PHF20: variants seen among roughly 807,000 people sequenced by gnomAD.
The protein encoded by PHF20 is glioma-expressed antigen 2.
A neutral mutation model predicts 113.5 loss-of-function variants in PHF20; 23 were observed. The observed-to-expected ratio is 0.20, with a 90% CI of 0.15 to 0.29. The LOEUF (loss-of-function observed/expected upper bound fraction) is 0.29. PHF20 is among the 10% of genes least tolerant of loss of function. The probability of loss-of-function intolerance (pLI) is 1.00; values close to 1 mark genes in which losing one functional copy is unlikely to be tolerated. For missense variants in PHF20, 943 were observed against 1,219.6 expected, an observed-to-expected ratio of 0.77 and a Z score of 3.38; for synonymous variants, 434 against 457.3, an observed-to-expected ratio of 0.95 and a Z score of 0.65.
At chr20:35,893,307 C>T (rs1434417073) in intron 9 of PHF20, among the ~76,000 whole-genome samples, 1 of 151,964 alleles carries the variant, frequency 6.6e-6, no homozygotes, top group Non-Finnish European at 1.5e-5. Flanking sequence ...GATAGTTTGG[C>T]CATGACTTTT....
chr20:35,880,291 C>T (rs2054604473), intron 9 of PHF20, among the ~76,000 whole-genome samples: 1 of 152,132 alleles, frequency 6.6e-6, no homozygotes, highest in Admixed American at 6.6e-5. Context: ...GCAGCTAGCA[C>T]AGCATGACCA....
chr20:35,789,917 C>T (rs949988110), intron 1 of PHF20, among the ~76,000 whole-genome samples: 15 of 126,356 alleles, frequency 1.2e-4, no homozygotes, highest in African/African-American at 3.3e-4. Context: ...TGCAGTGGCT[C>T]GATCTCAGCT....
At chr20:35,831,196 A>G (rs948646458) in intron 2 of PHF20, among the ~76,000 whole-genome samples, 5 of 141,432 alleles carry the variant, frequency 3.5e-5, no homozygotes, top group African/African-American at 1.1e-4. Flanking sequence ...GTCTCACTCT[A>G]TCACCCAGGG....
chr20:35,835,541 C>G (rs1228763986), intron 2 of PHF20, among the ~76,000 whole-genome samples: 1 of 152,126 alleles, frequency 6.6e-6, no homozygotes, highest in Non-Finnish European at 1.5e-5. Flanking sequence ...CAAGTAGAGA[C>G]TTATTAAATG....
chr20:35,899,497 C>T lies in PHF20; in HGVS notation c.1410C>T (p.His470=). 2 of 1,614,204 alleles carry T rather than the reference C, an allele frequency of 1.2e-6. No homozygotes were observed. The highest frequency in any genetic ancestry group is 1.7e-6 in the Non-Finnish European group (2 of 1,180,036). Residue 470 remains histidine (H), a synonymous_variant, in exon 10 of 18, where the codon CAC becomes CAT. Transcript: ENST00000374012. ...TTTTCCGCAAAGCCAAACTGTTGCACTATCACATGAAGTATTTCCATGGAA... is the reference window on the plus strand; with the variant it reads ...TTTTCCGCAAAGCCAAACTGTTGCATTATCACATGAAGTATTTCCATGGAA... ...LKFFRKAKLL[H]YHMKYFHGME...
intron 6 of PHF20, among the ~76,000 whole-genome samples, chr20:35,866,554 G>A (rs1266550779): frequency 6.6e-6 from 1 of 152,212 alleles, no homozygotes; most frequent in East Asian, 1.9e-4. Context: ...TGGGAGAAGG[G>A]CAGTTAAAGG....
chr20:35,776,707 C>A (rs1360086653), intron 1 of PHF20, among the ~76,000 whole-genome samples: 1 of 152,162 alleles, frequency 6.6e-6, no homozygotes, highest in Non-Finnish European at 1.5e-5. Context: ...CCTCCAACCC[C>A]TATTCCTCAC....
At chr20:35,794,254 C>A (rs192590182) in intron 1 of PHF20, among the ~76,000 whole-genome samples, 1 of 148,482 alleles carries the variant, frequency 6.7e-6, no homozygotes, top group South Asian at 2.1e-4. Context: ...GAGCCGAGAT[C>A]GTGCCACTGC....
At chr20:35,777,205 A>G (rs1333731016) in intron 1 of PHF20, among the ~76,000 whole-genome samples, 1 of 151,980 alleles carries the variant, frequency 6.6e-6, no homozygotes, top group Non-Finnish European at 1.5e-5. Flanking sequence ...TACCTTATAT[A>G]CCCCGTATTT....
intron 2 of PHF20, among the ~76,000 whole-genome samples, chr20:35,830,587 T>G (rs1277904085): frequency 1.3e-5 from 2 of 152,208 alleles, no homozygotes; most frequent in Non-Finnish European, 2.9e-5. Flanking sequence ...TACAGACATC[T>G]GTTTGAGTCC....
intron 2 of PHF20, among the ~76,000 whole-genome samples, chr20:35,819,250 C>T (rs1236203499): frequency 1.3e-5 from 2 of 152,076 alleles, no homozygotes; most frequent in Non-Finnish European, 2.9e-5. Flanking sequence ...CTATTTGCTT[C>T]CTGCGTTTTA....
intron 13 of PHF20, among the ~76,000 whole-genome samples, chr20:35,920,667 T>C (rs56256366): frequency 2.0e-5 from 3 of 152,328 alleles, no homozygotes; most frequent in Non-Finnish European, 4.4e-5. Context: ...AATTTGTTTT[T>C]GAAACATAAT....
intron 2 of PHF20, among the ~76,000 whole-genome samples, chr20:35,804,306 TCACTGCAAG>T (rs1240404770): frequency 7.0e-6 from 1 of 143,460 alleles, no homozygotes; most frequent in Non-Finnish European, 1.5e-5. Flanking sequence ...CGATCTCTCC[TCACTGCAAG>T]CACTGCCTCC....
At chr20:35,782,324 C>T (rs1600722382) in intron 1 of PHF20, 1 of 146,998 alleles carries the variant, frequency 6.8e-6, no homozygotes, top group African/African-American at 2.5e-5. Context: ...ACTCTGTTCT[C>T]CAGGCTGGAA....
chr20:35,928,489 A>G (rs1316644146), intron 14 of PHF20: 3 of 151,174 alleles, frequency 2.0e-5, no homozygotes, highest in Admixed American at 2.0e-4. Flanking sequence ...TCAACAATAC[A>G]GTATTGTTGT....
chr20:35,781,159 T>C (rs891657392), intron 1 of PHF20, among the ~76,000 whole-genome samples: 62 of 150,488 alleles, frequency 4.1e-4, no homozygotes, highest in Admixed American at 1.1e-3. Context: ...TTTTTTTTTT[T>C]CTGAGATGGA....
rs191242732 is a variant in PHF20, at chr20:35,873,474, T to G, written c.1282+1645T>G. Among the ~76,000 whole-genome samples, 100 of 148,572 alleles carry G rather than the reference T, an allele frequency of 6.7e-4. 1 individual carries two copies. Among genetic ancestry groups the G allele is most frequent in the South Asian group, 1.1e-3 (5 of 4,642 alleles). On this transcript the variant is annotated intron_variant, in intron 9 of 17. Transcript: ENST00000374012. ...GTTTTGTCTGTTTTTTTGTTTTTTT[T>G]TTTTTTTTTTTTAAGACAGAGTCTT...
intron 15 of PHF20, among the ~76,000 whole-genome samples, chr20:35,936,343 T>C (rs2055863762): frequency 6.6e-6 from 1 of 152,032 alleles, no homozygotes; most frequent in Non-Finnish European, 1.5e-5. Context: ...TGGCTAGCAG[T>C]GGTATGGGAT....
At chr20:35,927,943 G>T in intron 14 of PHF20, 64 bp downstream of exon 14, 1 of 1,131,922 alleles carries the variant, frequency 8.8e-7, no homozygotes, top group South Asian at 1.2e-5. Context: ...AGCTGGCTGT[G>T]ACACATTCTA....
Sources: allele counts gnomAD v4.1 joint callset (sites outside exome capture counted in the v4.1 genomes callset), GRCh38; gene constraint gnomAD v4.1.1; transcripts MANE v1.5; gene names NCBI Gene and HGNC (gene_info 2026-07-23, HGNC 2026-07-21).